GPR39: variants seen among roughly 807,000 people sequenced by gnomAD.
The protein encoded by GPR39 is zinc sensing receptor.
GPR39 carries 23 observed loss-of-function variants against 18.4 expected under a neutral mutation model. The observed-to-expected ratio is 1.25, with a 90% CI of 0.90 to 1.77. The LOEUF (loss-of-function observed/expected upper bound fraction) is 1.77. Among genes scored for constraint, GPR39 ranks in the 40% most tolerant of loss-of-function variants. GPR39 has a pLI of 0.00. For missense variants in GPR39, 647 were observed against 602.4 expected, an observed-to-expected ratio of 1.07 and a Z score of -0.78; for synonymous variants, 280 against 257.9, an observed-to-expected ratio of 1.09 and a Z score of -0.82.
intron 1 of GPR39, among the ~76,000 whole-genome samples, chr2:132,452,776 C>T (rs1325653883): frequency 2.0e-5 from 3 of 151,140 alleles, no homozygotes. Flanking sequence ...CGGTTTCCAG[C>T]TTCATTCATG....
chr2:132,577,011 A>T (rs114078990), intron 1 of GPR39, among the ~76,000 whole-genome samples: 3,138 of 151,940 alleles, frequency 0.021, 50 homozygotes, highest in Middle Eastern at 0.044. Context: ...TATTTTAGCT[A>T]TATAAGTCTC....
intron 1 of GPR39, among the ~76,000 whole-genome samples, chr2:132,642,150 A>G (rs749428933): frequency 6.6e-6 from 1 of 152,370 alleles, no homozygotes; most frequent in Non-Finnish European, 1.5e-5. Context: ...CTGCATTATT[A>G]TAGGTTATTT....
intron 1 of GPR39, among the ~76,000 whole-genome samples, chr2:132,481,546 G>T (rs1312159320): frequency 6.6e-6 from 1 of 152,184 alleles, no homozygotes; most frequent in Non-Finnish European, 1.5e-5. Context: ...TGTCACTTAT[G>T]TCAGAAAGAA....
chr2:132,463,045 A>G (rs1364768808), intron 1 of GPR39, among the ~76,000 whole-genome samples: 4 of 152,190 alleles, frequency 2.6e-5, no homozygotes, highest in African/African-American at 9.7e-5. Flanking sequence ...TTGTTCATCC[A>G]TTCAGTCAAC....
chr2:132,589,614 A>G (rs73955743), intron 1 of GPR39, among the ~76,000 whole-genome samples: 2,351 of 152,268 alleles, frequency 0.015, 74 homozygotes, highest in African/African-American at 0.054. Context: ...AGTGGCCTCT[A>G]TGCTTGGACA....
At chr2:132,477,211 A>G (rs1681146551) in intron 1 of GPR39, among the ~76,000 whole-genome samples, 1 of 152,246 alleles carries the variant, frequency 6.6e-6, no homozygotes, top group Non-Finnish European at 1.5e-5. Context: ...GCTATTTATC[A>G]GATTTCTCAA....
chr2:132,576,381 G>A (rs1219000380), intron 1 of GPR39, among the ~76,000 whole-genome samples: 1 of 152,090 alleles, frequency 6.6e-6, no homozygotes, highest in Non-Finnish European at 1.5e-5. Context: ...AGCCAGGTGT[G>A]ATGGCTCACA....
intron 1 of GPR39, among the ~76,000 whole-genome samples, chr2:132,451,551 G>A (rs12373646): frequency 0.5 from 76,146 of 151,936 alleles, 20,885 homozygotes; most frequent in Non-Finnish European, 0.62. Context: ...GTTATTATAT[G>A]ACATGGGCTT....
chr2:132,472,784 T>C (rs1681056665), intron 1 of GPR39, among the ~76,000 whole-genome samples: 1 of 152,072 alleles, frequency 6.6e-6, no homozygotes, highest in South Asian at 2.1e-4. Context: ...TATGACTTGG[T>C]GGATATAGTA....
At chr2:132,489,638 G>A (rs893582615) in intron 1 of GPR39, among the ~76,000 whole-genome samples, 8 of 152,028 alleles carry the variant, frequency 5.3e-5, no homozygotes, top group African/African-American at 1.7e-4. Context: ...AGAGTAGGGG[G>A]CAAGACACAT....
chr2:132,639,770 T>A (rs1266871483), intron 1 of GPR39, among the ~76,000 whole-genome samples: 1 of 152,108 alleles, frequency 6.6e-6, no homozygotes, highest in Non-Finnish European at 1.5e-5. Context: ...TTCTCCAGAG[T>A]TTTGCCAAAT....
chr2:132,469,425 C>T (rs1680989033), intron 1 of GPR39, among the ~76,000 whole-genome samples: 1 of 152,160 alleles, frequency 6.6e-6, no homozygotes, highest in African/African-American at 2.4e-5. Context: ...GCAGGGAGTG[C>T]TTTTGGAATA....
At chr2:132,641,159 A>T (rs930507242) in intron 1 of GPR39, among the ~76,000 whole-genome samples, 2 of 152,228 alleles carry the variant, frequency 1.3e-5, no homozygotes, top group South Asian at 4.1e-4. Context: ...TAGGATAGCT[A>T]GGCAAAGTTT....
chr2:132,462,353 A>C (rs1680849525), intron 1 of GPR39, among the ~76,000 whole-genome samples: 1 of 141,620 alleles, frequency 7.1e-6, no homozygotes, highest in Non-Finnish European at 1.5e-5. Flanking sequence ...ATAATTTTGC[A>C]GGCTGGCACA....
At chr2:132,604,616 G>A (rs1021345061) in intron 1 of GPR39, 3 of 152,200 alleles carry the variant, frequency 2.0e-5, no homozygotes, top group Non-Finnish European at 4.4e-5. Flanking sequence ...TAACCATAAA[G>A]CAGAAGGATA....
chr2:132,535,614 T>C (rs577292565), intron 1 of GPR39, among the ~76,000 whole-genome samples: 1 of 152,042 alleles, frequency 6.6e-6, no homozygotes, highest in Non-Finnish European at 1.5e-5. Context: ...TTCAGTTGTT[T>C]GGAATAGTTT....
intron 1 of GPR39, among the ~76,000 whole-genome samples, chr2:132,518,919 A>G (rs1209841163): frequency 6.6e-6 from 1 of 152,204 alleles, no homozygotes; most frequent in Non-Finnish European, 1.5e-5. Context: ...CAAATGAACA[A>G]TAGCCACAAG....
intron 1 of GPR39, among the ~76,000 whole-genome samples, chr2:132,536,663 TG>T (rs1679762382): frequency 6.6e-6 from 1 of 152,220 alleles, no homozygotes; most frequent in African/African-American, 2.4e-5. Flanking sequence ...ATACTGACAG[TG>T]GGTGTTAAAG....
chr2:132,494,312 C>G (rs759116460), intron 1 of GPR39, among the ~76,000 whole-genome samples: 3 of 152,204 alleles, frequency 2.0e-5, no homozygotes, highest in Non-Finnish European at 4.4e-5. Flanking sequence ...CCTAGCCTCT[C>G]CTTTCAACTA....
Sources: gnomAD v4.1 joint callset for allele counts (sites outside exome capture counted in the v4.1 genomes callset) on GRCh38, gnomAD v4.1.1 for gene constraint, MANE v1.5 for transcripts, NCBI Gene and HGNC (gene_info 2026-07-23, HGNC 2026-07-21) for gene names.